The following ST14 variants were observed in gnomAD, a reference collection of about 807,000 sequenced individuals.
ST14 encodes the protein suppressor of tumorigenicity 14 protein.
A neutral mutation model predicts 96.5 loss-of-function variants in ST14; 40 were observed. The observed-to-expected ratio is 0.41, with a 90% CI of 0.32 to 0.54. The LOEUF (loss-of-function observed/expected upper bound fraction) is 0.54. ST14 is among the 20% of genes least tolerant of loss of function. The pLI is 0.17. For missense variants in ST14, 1,066 were observed against 1,188.9 expected (o/e 0.90, Z 1.52); for synonymous variants, 506 against 492.1 (o/e 1.03, Z -0.37).
intron 9 of ST14, among the ~76,000 whole-genome samples, chr11:130,194,971 GAT>G (rs1372089168): frequency 6.6e-6 from 1 of 152,142 alleles, no homozygotes; most frequent in Non-Finnish European, 1.5e-5. Context: ...GAGGCAGCCA[GAT>G]GTCGTGACTC....
chr11:130,175,600 C>T (rs551828580), intron 1 of ST14, among the ~76,000 whole-genome samples: 10 of 151,630 alleles, frequency 6.6e-5, no homozygotes, highest in African/African-American at 2.4e-4. Flanking sequence ...AGGCTGGTCT[C>T]AAACTCCTGA....
intron 16 of ST14, among the ~76,000 whole-genome samples, chr11:130,201,794 C>T (rs1394624478): frequency 6.6e-6 from 1 of 152,212 alleles, no homozygotes. Context: ...CTAAGCTTGG[C>T]CTCCACCTCC....
chr11:130,181,297 A>C lies in ST14; in HGVS notation c.82-6817A>C, dbSNP rs1284520381. 6.6e-6 allele frequency among the ~76,000 whole-genome samples: 1 copy of C among 151,958 alleles called. No individual in the cohort carries two copies. Among genetic ancestry groups the C allele is most frequent in the Non-Finnish European group, 1.5e-5 (1 of 67,996 alleles). ...TGCTTGTCCTGAGCCCTTTATCCCCAACCTCCCGCCTGGAAGTCATTCCTC... is the reference window on the plus strand; with the variant it reads ...TGCTTGTCCTGAGCCCTTTATCCCCCACCTCCCGCCTGGAAGTCATTCCTC... On this transcript the variant is annotated intron_variant, in intron 1 of 18. Coordinates refer to ENST00000278742, the MANE Select transcript of ST14 (RefSeq NM_021978.4). This position sits in a 1 kb window ranked among gnomAD's most constrained non-coding sequence, Gnocchi z 4.1.
intron 16 of ST14, 119 bp from the exon 17 acceptor site, chr11:130,208,291 C>A: frequency 1.4e-6 from 2 of 1,438,104 alleles, no homozygotes; most frequent in Non-Finnish European, 1.9e-6. Flanking sequence ...GCCCCATCGT[C>A]TTCTCGTAGC....
At chr11:130,189,592 G>C (rs1000269192) in intron 4 of ST14, 147 bp from the exon 5 acceptor site, 15 of 1,022,322 alleles carry the variant, frequency 1.5e-5, no homozygotes, top group Non-Finnish European at 2.2e-5. Flanking sequence ...TGGAAAGAGG[G>C]ATGACACAAG....
intron 1 of ST14, among the ~76,000 whole-genome samples, chr11:130,167,360 A>G (rs1157584488): frequency 6.6e-6 from 1 of 152,190 alleles, no homozygotes; most frequent in Non-Finnish European, 1.5e-5. Flanking sequence ...ACAATATAGA[A>G]ATGTACAGTG....
Position 130,188,746 on chromosome 11 carries a change from C to T in ST14, c.369+89C>T. The T allele has an allele frequency of 1.2e-6, 2 of 1,610,838 alleles. No individual in the cohort carries two copies. Among genetic ancestry groups the T allele is most frequent in the South Asian group, 1.1e-5 (1 of 90,890 alleles). ...GAGGGACATGCCTCGCCTGTGCTCC[C>T]AGGGCCCTGGGATGGGGGTGATCTG... On this transcript the variant is annotated intron_variant, in intron 3 of 18. Coordinates refer to ENST00000278742, the MANE Select transcript of ST14 (RefSeq NM_021978.4). The surrounding 1 kb of genome is among the most constrained non-coding windows in gnomAD (Gnocchi z 5.4).
At chr11:130,174,647 G>C (rs1438585940) in intron 1 of ST14, among the ~76,000 whole-genome samples, 2 of 152,286 alleles carry the variant, frequency 1.3e-5, no homozygotes, top group East Asian at 3.9e-4. Context: ...AAGGTGTTTT[G>C]CTTGATAAAT....
chr11:130,198,941 G>A lies in ST14; in HGVS notation c.1685-6G>A. On this transcript the variant is annotated splice_polypyrimidine_tract_variant and splice_region_variant and intron_variant, in intron 14 of 18. Transcript: ENST00000278742. ...GAGCCCCTCCCTTGTCCTCCTCCTT[G>A]AACAGTGAACGTCGTCACTTGTACC... 1 of 1,613,928 alleles carries A rather than the reference G, an allele frequency of 6.2e-7. No individual in the cohort carries two copies. The highest frequency in any genetic ancestry group is 8.5e-7 in the Non-Finnish European group (1 of 1,179,960).
intron 1 of ST14, among the ~76,000 whole-genome samples, chr11:130,185,929 T>C (rs1413700546): frequency 6.6e-6 from 1 of 152,134 alleles, no homozygotes; most frequent in East Asian, 1.9e-4. Context: ...TGCCTCGGCC[T>C]CCCAAGTAGC....
intron 8 of ST14, 146 bp from the exon 9 acceptor site, chr11:130,194,494 G>A (rs1334606113): frequency 1.8e-6 from 2 of 1,120,892 alleles, no homozygotes; most frequent in Non-Finnish European, 2.6e-6. Context: ...TCGGCACCCG[G>A]CACCTGGCCT....
At chr11:130,193,627 G>A (rs898661986) in intron 7 of ST14, among the ~76,000 whole-genome samples, 1 of 152,106 alleles carries the variant, frequency 6.6e-6, no homozygotes, top group Non-Finnish European at 1.5e-5. Flanking sequence ...GCACCGTGAT[G>A]CCCAGCTAAT....
In ST14 at chr11:130,200,086, C is replaced by T; in HGVS notation, c.1943C>T (p.Pro648Leu). ...GHICGASLISPNWLVSAAHCY... is the reference protein window; with the variant it reads ...GHICGASLISLNWLVSAAHCY... Reference sequence around the variant, plus strand: ...ATCTGCGGTGCTTCCCTCATCTCTCCCAACTGGCTGGTCTCTGCCGCACAC... The same window carrying T: ...ATCTGCGGTGCTTCCCTCATCTCTCTCAACTGGCTGGTCTCTGCCGCACAC... The change falls in exon 16 of 19, where the codon CCC becomes CTC. Residue 648 changes from proline (P) to leucine (L), a missense_variant. Physicochemically the swap from Pro to Leu is moderately conservative, Grantham distance 98. Transcript: ENST00000278742. The T allele has an allele frequency of 6.2e-7, 1 of 1,614,212 alleles. No homozygotes were observed.
In ST14 at chr11:130,210,066, G is replaced by A. The variant is rs563001595; in HGVS notation, c.*243G>A. On this transcript the variant is annotated 3_prime_UTR_variant, in exon 19 of 19. Transcript: ENST00000278742. ...TTCTACTGACCCAACTGGGGGCAAA[G>A]GTTTGAAGACACAGCCTCCCCCGCC... The A allele has an allele frequency of 8.7e-5, 48 of 554,632 alleles. No homozygotes were observed. In the South Asian group the frequency reaches 1.0e-3, roughly 12 times the overall value. The allele number at this position is 554,632 out of a possible 1,614,324, so 34.4% of individuals were successfully genotyped here.
At position 130,188,664 on chromosome 11, in the gene ST14, G is replaced by A; in HGVS notation, c.369+7G>A. On this transcript the variant is annotated splice_region_variant and intron_variant, in intron 3 of 18. Transcript: ENST00000278742. The surrounding 1 kb of genome is among the most constrained non-coding windows in gnomAD (Gnocchi z 5.4). ...CAGCAAGGTGAAGGACGCGGTGAGT[G>A]CAGCCTGCCCAGAGTCCTGCTGGGC... 1 of 1,614,178 alleles carries A rather than the reference G, an allele frequency of 6.2e-7. No individual in the cohort carries two copies. Among genetic ancestry groups the A allele is most frequent in the Non-Finnish European group, 8.5e-7 (1 of 1,180,038 alleles).
intron 1 of ST14, among the ~76,000 whole-genome samples, chr11:130,167,631 G>A (rs1469975175): frequency 1.3e-5 from 2 of 152,148 alleles, no homozygotes; most frequent in Non-Finnish European, 2.9e-5. Flanking sequence ...CCTATCACAG[G>A]AGTCTGGGAG....
In ST14 at chr11:130,209,960, G is replaced by T. The variant is rs1953535245; in HGVS notation, c.*137G>T. 10 of 1,099,968 alleles carry T rather than the reference G, an allele frequency of 9.1e-6. No individual in the cohort carries two copies. The highest frequency in any genetic ancestry group is 1.3e-5 in the Non-Finnish European group (10 of 779,870). 68.1% of individuals were successfully genotyped at this position (1,099,968 alleles called of 1,614,324 possible). On this transcript the variant is annotated 3_prime_UTR_variant, in exon 19 of 19. Transcript: ENST00000278742. Reference sequence around the variant, plus strand: ...ATACACTGTGAACTCAATCTCCAGGGCTCCAAATCTGCCTAGAAAACCTCT... The same window carrying T: ...ATACACTGTGAACTCAATCTCCAGGTCTCCAAATCTGCCTAGAAAACCTCT...
Position 130,208,615 on chromosome 11 carries a change from G to T in ST14, c.2200G>T (p.Asp734Tyr). ...CATGGTGCGGCCCATCTGCCTGCCGGACGCCTCCCATGTCTTCCCTGCCGG... is the reference window on the plus strand; with the variant it reads ...CATGGTGCGGCCCATCTGCCTGCCGTACGCCTCCCATGTCTTCCCTGCCGG... Reference protein sequence around the residue: ...SSMVRPICLPDASHVFPAGKA... With the variant: ...SSMVRPICLPYASHVFPAGKA... The change falls in exon 17 of 19, where the codon GAC becomes TAC. Residue 734 changes from aspartate to tyrosine, a missense_variant. Asp to Tyr is a radical substitution (Grantham distance 160). Coordinates refer to ENST00000278742, the MANE Select transcript of ST14 (RefSeq NM_021978.4). 1.9e-6 allele frequency: 3 copies of T among 1,614,026 alleles called. No homozygotes were observed. Among genetic ancestry groups the T allele is most frequent in the Non-Finnish European group, 8.5e-7 (1 of 1,179,996 alleles).
Position 130,194,292 on chromosome 11 carries a change from A to T in ST14, c.1015+4A>T. ...TTCCAGCTGCCTAGGATGAGCAGTAAGGAAGGGCAGGGCAGGGCGGGACTG... is the reference window on the plus strand; with the variant it reads ...TTCCAGCTGCCTAGGATGAGCAGTATGGAAGGGCAGGGCAGGGCGGGACTG... On this transcript the variant is annotated splice_donor_region_variant and intron_variant, in intron 8 of 18. Transcript: ENST00000278742. 2 of 1,614,160 alleles carry T rather than the reference A, an allele frequency of 1.2e-6. No individual in the cohort carries two copies. The highest frequency in any genetic ancestry group is 2.2e-5 in the East Asian group (1 of 44,876).
Sources: gnomAD v4.1 joint callset for allele counts (sites outside exome capture counted in the v4.1 genomes callset) on GRCh38, gnomAD v4.1.1 for gene constraint, Gnocchi (gnomAD v3.1) non-coding constraint, MANE v1.5 for transcripts, NCBI Gene and HGNC (gene_info 2026-07-23, HGNC 2026-07-21) for gene names.